Variants in PSMC2 observed in about 807,000 individuals in gnomAD.
The protein encoded by PSMC2 is proteasome 26S subunit, ATPase 2.
PSMC2 carries 7 observed loss-of-function variants against 53.3 expected under a neutral mutation model. The observed-to-expected ratio is 0.13, with a 90% CI of 0.07 to 0.25. The LOEUF (loss-of-function observed/expected upper bound fraction) is 0.25. PSMC2 is among the 10% of genes least tolerant of loss of function. PSMC2 has a pLI of 1.00. For missense variants in PSMC2, 241 were observed against 544.0 expected (o/e 0.44, Z 5.54); for synonymous variants, 169 against 183.9 (o/e 0.92, Z 0.66).
rs1254636878 is a variant in PSMC2 at position 103,364,313 on chromosome 7, G to A, written c.756+6G>A. 2.5e-6 allele frequency: 4 copies of A among 1,613,608 alleles called. No individual in the cohort carries two copies. The highest frequency in any genetic ancestry group is 3.4e-6 in the Non-Finnish European group (4 of 1,179,790). On this transcript the variant is annotated splice_donor_region_variant and intron_variant, in intron 8 of 11. Coordinates refer to ENST00000292644, the MANE Select transcript of PSMC2 (RefSeq NM_002803.4). ...TACAGAAATACGTCGGTGAGGTAAA[G>A]TAAATTTATCAAAGAATATATAGCC...
At chr7:103,359,129 C>T in intron 4 of PSMC2, among the ~76,000 whole-genome samples, 1 of 113,858 alleles carries the variant, frequency 8.8e-6, no homozygotes, top group East Asian at 2.7e-4. Context: ...CATACCACCC[C>T]ATGTCTGGCT....
At chr7:103,349,756 A>G (rs921628021) in intron 1 of PSMC2, among the ~76,000 whole-genome samples, 16 of 152,156 alleles carry the variant, frequency 1.1e-4, no homozygotes, top group African/African-American at 3.9e-4. Flanking sequence ...AGCCTGATTA[A>G]GTTACTTTCA....
intron 1 of PSMC2, 135 bp downstream of exon 1, chr7:103,347,916 C>A: frequency 1.1e-6 from 1 of 905,718 alleles, no homozygotes. Flanking sequence ...TTAGTCTGGA[C>A]ACCGGCCGGA....
intron 1 of PSMC2, among the ~76,000 whole-genome samples, chr7:103,348,182 T>C (rs1563480798): frequency 6.6e-6 from 1 of 152,106 alleles, no homozygotes; most frequent in Non-Finnish European, 1.5e-5. Context: ...CTTAAAAAAA[T>C]TATTTGACCA....
rs1263981699 is a variant in PSMC2, at chr7:103,368,168, T to C, written c.*114T>C. On this transcript the variant is annotated 3_prime_UTR_variant, in exon 12 of 12. Coordinates refer to ENST00000292644, the MANE Select transcript of PSMC2 (RefSeq NM_002803.4). ...CTTCAAAATTGTATGCTTTTTTCCA[T>C]ATCTCTTCTTGTAATATAATAAAAG... The C allele has an allele frequency of 1.1e-6, 1 of 906,488 alleles. No individual in the cohort carries two copies. The highest frequency in any genetic ancestry group is 2.7e-5 in the East Asian group (1 of 37,434). 56.2% of individuals were successfully genotyped at this position (906,488 alleles called of 1,614,324 possible).
rs756622974 is a variant in PSMC2 at position 103,347,703 on chromosome 7, GCTGCTAA to G, written c.-8_-2del. 1 of 1,613,912 alleles carries G rather than the reference GCTGCTAA, an allele frequency of 6.2e-7. No homozygotes were observed. The highest frequency in any genetic ancestry group is 1.1e-5 in the South Asian group (1 of 91,072). On this transcript the variant is annotated 5_prime_UTR_variant, in exon 1 of 12. Coordinates refer to ENST00000292644, the MANE Select transcript of PSMC2 (RefSeq NM_002803.4). The stretch of plus-strand genomic sequence containing the variant: ...TCATTAAGGAGCGGAGGCTTTTGGA[GCTGCTAA>G]AATGCCGGATTACCTCGGTGCCGAT...
intron 1 of PSMC2, among the ~76,000 whole-genome samples, chr7:103,352,264 C>T (rs1819769584): frequency 1.0e-5 from 1 of 95,826 alleles, no homozygotes; most frequent in African/African-American, 3.4e-5. Flanking sequence ...CGTTTTTTTC[C>T]TTAAAATATG....
rs77203524 is a variant in PSMC2, at chr7:103,350,430, A to T, written c.70+2649A>T. Reference sequence around the variant, plus strand: ...TGTATCTCTAATCACGGTGTCTCATACAGTGATCATCTCAATTTATAGCAG... The same window carrying T: ...TGTATCTCTAATCACGGTGTCTCATTCAGTGATCATCTCAATTTATAGCAG... On this transcript the variant is annotated intron_variant, in intron 1 of 11. Transcript: ENST00000292644. Among the ~76,000 whole-genome samples the T allele has an allele frequency of 5.3e-5, 8 of 152,322 alleles. No homozygotes were observed. In the East Asian group the frequency reaches 1.3e-3, roughly 26 times the overall value.
intron 5 of PSMC2, 22 bp downstream of exon 5, chr7:103,362,110 A>C: frequency 6.2e-7 from 1 of 1,611,182 alleles, no homozygotes; most frequent in African/African-American, 1.3e-5. Context: ...ATTTACAATA[A>C]ATACTTTTCT....
At chr7:103,366,205 C>T (rs1327281503) in intron 9 of PSMC2, 42 bp downstream of exon 9, 1 of 1,519,630 alleles carries the variant, frequency 6.6e-7, no homozygotes, top group Non-Finnish European at 9.1e-7. Context: ...GATTCAGTTT[C>T]ATGAAAGCTG....
intron 4 of PSMC2, among the ~76,000 whole-genome samples, chr7:103,361,051 T>C (rs1820359915): frequency 6.6e-6 from 1 of 150,808 alleles, no homozygotes; most frequent in Admixed American, 6.6e-5. Context: ...GAGGCGGAGA[T>C]TGTAATGAGC....
intron 4 of PSMC2, among the ~76,000 whole-genome samples, chr7:103,359,511 C>T (rs533514070): frequency 1.3e-5 from 2 of 152,288 alleles, no homozygotes; most frequent in East Asian, 3.9e-4. Flanking sequence ...TTTCCAGCCC[C>T]TGGCAACCAT....
At chr7:103,352,215 T>TAA (rs769618353) in intron 1 of PSMC2, among the ~76,000 whole-genome samples, 2,510 of 40,606 alleles carry the variant, frequency 0.062, 306 homozygotes, top group African/African-American at 0.12. Flanking sequence ...CATACTTAGT[T>TAA]AAAAAAAAAA....
intron 8 of PSMC2, among the ~76,000 whole-genome samples, chr7:103,364,852 A>G (rs1365973276): frequency 6.6e-6 from 1 of 151,792 alleles, no homozygotes; most frequent in Non-Finnish European, 1.5e-5. Context: ...TTTTCTACGG[A>G]AATGCCTGGT....
chr7:103,352,668 A>G, intron 1 of PSMC2: 1 of 555,558 alleles, frequency 1.8e-6, no homozygotes, highest in East Asian at 3.2e-5. Context: ...GCCTGGGATT[A>G]CAAGTGTGAG....
In PSMC2 at chr7:103,349,050, T is replaced by C. The variant is rs375920864; in HGVS notation, c.70+1269T>C. ...ATATAACTTCTTCCCAGTAGTCCCG[T>C]TTGTAGTCTCATCTTTATGCCGTTT... On this transcript the variant is annotated intron_variant, in intron 1 of 11. Coordinates refer to ENST00000292644, the MANE Select transcript of PSMC2 (RefSeq NM_002803.4). Among the ~76,000 whole-genome samples, 307 of 152,346 alleles carry C rather than the reference T, an allele frequency of 2.0e-3. 1 individual carries two copies. Among genetic ancestry groups the C allele is most frequent in the Middle Eastern group, 0.014 (4 of 294 alleles).
intron 4 of PSMC2, among the ~76,000 whole-genome samples, chr7:103,356,739 G>A (rs188181290): frequency 6.6e-6 from 1 of 151,746 alleles, no homozygotes; most frequent in Non-Finnish European, 1.5e-5. Context: ...TTAACTTCTT[G>A]GTACCTTTTG....
At chr7:103,365,980 T>G in intron 8 of PSMC2, 96 bp from the exon 9 acceptor site, 2 of 964,838 alleles carry the variant, frequency 2.1e-6, no homozygotes, top group South Asian at 1.5e-5. Flanking sequence ...AGAATACTGT[T>G]AGGAATAAAT....
chr7:103,364,512 C>T (rs572426537), intron 8 of PSMC2, among the ~76,000 whole-genome samples: 4 of 152,088 alleles, frequency 2.6e-5, no homozygotes, highest in Admixed American at 6.5e-5. Flanking sequence ...TGGGCTTAGG[C>T]GATCCTCCCA....
Sources: allele counts gnomAD v4.1 joint callset (sites outside exome capture counted in the v4.1 genomes callset), GRCh38; gene constraint gnomAD v4.1.1; transcripts MANE v1.5; gene names NCBI Gene and HGNC (gene_info 2026-07-23, HGNC 2026-07-21).